Variants in ACTN2 observed in about 807,000 individuals in gnomAD.
The protein encoded by ACTN2 is actinin alpha 2.
In ACTN2, 39 loss-of-function variants were observed where a neutral mutation model predicts 113.8. That is an observed-to-expected ratio of 0.34 (90% CI 0.27 to 0.45). ACTN2 has a LOEUF of 0.45. Among genes scored for constraint, ACTN2 ranks in the 20% least tolerant of loss-of-function variants. The pLI is 1.00. For synonymous variants in ACTN2, 429 were observed against 444.1 expected (o/e 0.97, Z 0.43); for missense variants, 992 against 1,177.9 (o/e 0.84, Z 2.31).
chr1:236,739,635 T>C, intron 10 of ACTN2, 103 bp downstream of exon 10: 2 of 1,357,254 alleles, frequency 1.5e-6, no homozygotes, highest in Non-Finnish European at 2.1e-6. Context: ...TCTTGAATCT[T>C]TTTAGTTGTG....
At chr1:236,711,549 C>T (rs1217366518) in intron 1 of ACTN2, among the ~76,000 whole-genome samples, 3 of 152,118 alleles carry the variant, frequency 2.0e-5, no homozygotes, top group Non-Finnish European at 4.4e-5. Flanking sequence ...GGGATTTCAC[C>T]GTGTTGATCA....
At chr1:236,717,168 G>T (rs1287121733) in intron 1 of ACTN2, among the ~76,000 whole-genome samples, 1 of 151,854 alleles carries the variant, frequency 6.6e-6, no homozygotes, top group Non-Finnish European at 1.5e-5. Flanking sequence ...TTTAGACTGG[G>T]CATGGTGGCT....
At position 236,727,869 on chromosome 1, in the gene ACTN2, G is replaced by A. The variant is rs1025248463; in HGVS notation, c.615+113G>A. On this transcript the variant is annotated intron_variant, in intron 6 of 20. Transcript: ENST00000366578. Reference sequence around the variant, plus strand: ...AAACCCCAGGGCCACCTGCAGAAACGGCCACCAGGAAAAAGCACATTCTCC... The same window carrying A: ...AAACCCCAGGGCCACCTGCAGAAACAGCCACCAGGAAAAAGCACATTCTCC... The A allele has an allele frequency of 2.7e-5, 27 of 1,002,428 alleles. 1 individual carries two copies. The African/African-American group carries it at 3.2e-4, about 12-fold the overall frequency. The allele number at this position is 1,002,428 out of a possible 1,614,324, so 62.1% of individuals were successfully genotyped here.
chr1:236,710,270 G>A (rs554566909), intron 1 of ACTN2, among the ~76,000 whole-genome samples: 1 of 152,220 alleles, frequency 6.6e-6, no homozygotes, highest in African/African-American at 2.4e-5. Flanking sequence ...TTGATATGAT[G>A]TAGGCTTCAT....
At chr1:236,717,054 C>T (rs997685881) in intron 1 of ACTN2, among the ~76,000 whole-genome samples, 57 of 106,570 alleles carry the variant, frequency 5.3e-4, no homozygotes, top group African/African-American at 1.8e-3. Context: ...AGGCTGGTCT[C>T]GAACTCCTGA....
At chr1:236,728,598 A>T (rs1658627805) in intron 6 of ACTN2, among the ~76,000 whole-genome samples, 1 of 151,350 alleles carries the variant, frequency 6.6e-6, no homozygotes, top group Admixed American at 6.6e-5. Flanking sequence ...GCCTTGCATA[A>T]GAAGTTTTTG....
chr1:236,729,720 C>T (rs537610785), intron 6 of ACTN2, among the ~76,000 whole-genome samples: 1 of 152,300 alleles, frequency 6.6e-6, no homozygotes, highest in African/African-American at 2.4e-5. Flanking sequence ...GATGTATTTT[C>T]TTATCCCCTG....
intron 4 of ACTN2, among the ~76,000 whole-genome samples, chr1:236,721,125 C>T (rs1361506772): frequency 6.8e-6 from 1 of 146,334 alleles, no homozygotes; most frequent in Non-Finnish European, 1.5e-5. Context: ...CCTCCTGGGT[C>T]CACGCCATTC....
At position 236,720,099 on chromosome 1, in the gene ACTN2, C is replaced by T. The variant is rs747290443; in HGVS notation, c.362-6C>T. 3.1e-6 allele frequency: 5 copies of T among 1,593,608 alleles called. No homozygotes were observed. The South Asian group carries it at 4.4e-5, about 14-fold the overall frequency. The stretch of plus-strand genomic sequence containing the variant: ...TTACATTAATTTGTTGTTTTCTTAC[C>T]TGCAGAAATTGTTGATGGCAACGTG... On this transcript the variant is annotated splice_region_variant and splice_polypyrimidine_tract_variant and intron_variant, in intron 3 of 20. Coordinates refer to ENST00000366578, the MANE Select transcript of ACTN2 (RefSeq NM_001103.4).
intron 7 of ACTN2, among the ~76,000 whole-genome samples, chr1:236,733,666 G>A (rs1400349041): frequency 6.6e-6 from 1 of 152,186 alleles, no homozygotes; most frequent in African/African-American, 2.4e-5. Flanking sequence ...ATTTAGCCAC[G>A]CATTCCCTGT....
chr1:236,716,103 T>C (rs1224577522), intron 1 of ACTN2, among the ~76,000 whole-genome samples: 9 of 149,810 alleles, frequency 6.0e-5, no homozygotes, highest in South Asian at 2.1e-4. Flanking sequence ...CTTCTTCTTT[T>C]TTTTTTTTTT....
intron 11 of ACTN2, among the ~76,000 whole-genome samples, chr1:236,744,126 A>T (rs563184154): frequency 2.0e-5 from 3 of 152,158 alleles, no homozygotes; most frequent in African/African-American, 7.2e-5. Flanking sequence ...AGAGAGGAAA[A>T]TTTCTAATAT....
chr1:236,729,427 G>A (rs965997513), intron 6 of ACTN2, among the ~76,000 whole-genome samples: 7 of 152,198 alleles, frequency 4.6e-5, no homozygotes, highest in East Asian at 1.9e-4. Flanking sequence ...GTTTCCTGCC[G>A]GGTGCTGGTG....
At position 236,739,386 on chromosome 1, in the gene ACTN2, G is replaced by C; in HGVS notation, c.961G>C (p.Glu321Gln). 1 of 1,614,134 alleles carries C rather than the reference G, an allele frequency of 6.2e-7. No homozygotes were observed. Among genetic ancestry groups the C allele is most frequent in the Non-Finnish European group, 8.5e-7 (1 of 1,180,030 alleles). ...CATGCAAGCCATGCAGAAGAAGCTG[G>C]AGGACTTCCGGGATTACCGCCGGAA... ...KTMQAMQKKL[E>Q]DFRDYRRKHK... The change falls in exon 10 of 21, where the codon GAG (glutamate) becomes CAG (glutamine). Residue 321 changes from glutamate to glutamine, a missense_variant. By Grantham distance (29) the Glu-to-Gln change is conservative. Coordinates refer to ENST00000366578, the MANE Select transcript of ACTN2 (RefSeq NM_001103.4).
chr1:236,707,203 G>A (rs534718261), intron 1 of ACTN2, among the ~76,000 whole-genome samples: 1 of 152,366 alleles, frequency 6.6e-6, no homozygotes, highest in East Asian at 1.9e-4. Flanking sequence ...CTAACCAGAG[G>A]AAATGAAGAT....
At chr1:236,693,841 T>G (rs1490695147) in intron 1 of ACTN2, among the ~76,000 whole-genome samples, 1 of 152,236 alleles carries the variant, frequency 6.6e-6, no homozygotes, top group Non-Finnish European at 1.5e-5. Flanking sequence ...TTCAAGTGTC[T>G]CTGTGGTTCT....
chr1:236,691,146 G>A (rs1572090644), intron 1 of ACTN2, among the ~76,000 whole-genome samples: 1 of 151,684 alleles, frequency 6.6e-6, no homozygotes, highest in East Asian at 2.0e-4. Flanking sequence ...ATTTCACTGT[G>A]TTAGCCAGGA....
chr1:236,697,015 C>T lies in ACTN2; in HGVS notation c.126+10216C>T, dbSNP rs558920604. Among the ~76,000 whole-genome samples the T allele has an allele frequency of 1.6e-4, 24 of 152,302 alleles. No homozygotes were observed. The East Asian group carries it at 4.4e-3, about 28-fold the overall frequency. ...TGACCAATACCACAAAATAGCCAGG[C>T]TGTAAAACTGAATTCTAATCATTTC... is the stretch of plus-strand genomic sequence containing the variant. On this transcript the variant is annotated intron_variant, in intron 1 of 20. Coordinates refer to ENST00000366578, the MANE Select transcript of ACTN2 (RefSeq NM_001103.4).
At chr1:236,709,220 G>GTATATA (rs758619189) in intron 1 of ACTN2, among the ~76,000 whole-genome samples, 959 of 66,698 alleles carry the variant, frequency 0.014, 17 homozygotes, top group East Asian at 0.017. Flanking sequence ...ACAAATGACT[G>GTATATA]TATATATATA....
Sources: allele counts gnomAD v4.1 joint callset (sites outside exome capture counted in the v4.1 genomes callset), GRCh38; gene constraint gnomAD v4.1.1; transcripts MANE v1.5; gene names NCBI Gene and HGNC (gene_info 2026-07-23, HGNC 2026-07-21).